SCN9A: variants seen among roughly 807,000 people sequenced by gnomAD.
SCN9A encodes the protein sodium voltage-gated channel alpha subunit 9.
In SCN9A, 131 loss-of-function variants were observed where a neutral mutation model predicts 187.0. The observed-to-expected ratio is 0.70, with a 90% CI of 0.61 to 0.81. SCN9A has a LOEUF of 0.81. Among genes scored for constraint, SCN9A ranks in the 30% least tolerant of loss-of-function variants. The pLI, the probability that SCN9A is intolerant of heterozygous loss-of-function variation, is 0.00. For synonymous variants in SCN9A, 809 were observed against 808.6 expected, an observed-to-expected ratio of 1.00 and a Z score of -0.01; for missense variants, 2,252 against 2,396.6, an observed-to-expected ratio of 0.94 and a Z score of 1.26.
At chr2:166,284,354 A>G in intron 12 of SCN9A, 99 bp downstream of exon 12, 1 of 1,372,712 alleles carries the variant, frequency 7.3e-7, no homozygotes, top group African/African-American at 1.4e-5. Context: ...TGCAAAATGC[A>G]GAGCCATTCA....
intron 6 of SCN9A, 121 bp from the exon 7 acceptor site, chr2:166,303,423 C>CA: frequency 4.1e-6 from 3 of 738,374 alleles, no homozygotes; most frequent in African/African-American, 3.6e-5. Flanking sequence ...TAACCTAATT[C>CA]AAAAAAAGCC....
At position 166,199,611 on chromosome 2, in the gene SCN9A, A is replaced by T. The variant is rs1553473212; in HGVS notation, c.5028T>A (p.Asn1676Lys). The stretch of plus-strand genomic sequence containing the variant: ...CAAAGGTCTCAAAATTGAACATGTC[A>T]TTAATTCCATCTTCCTTTTTAACAT... ...FAYVKKEDGI[N>K]DMFNFETFGN... Residue 1676 changes from asparagine (N) to lysine (K), a missense_variant, in exon 27 of 27, where the codon AAT becomes AAA. Physicochemically the swap from Asn to Lys is moderately conservative, Grantham distance 94 (BLOSUM62 0). Coordinates refer to ENST00000642356, the MANE Select transcript of SCN9A (RefSeq NM_001365536.1). The T allele has an allele frequency of 1.9e-6, 3 of 1,614,112 alleles. No homozygotes were observed.
chr2:166,271,303 A>T (rs550470020), intron 17 of SCN9A, among the ~76,000 whole-genome samples: 20 of 152,276 alleles, frequency 1.3e-4, no homozygotes, highest in Admixed American at 9.8e-4. Flanking sequence ...TTTTACATGT[A>T]TTAACGTGTT....
At chr2:166,249,326 T>C (rs926164061) in intron 18 of SCN9A, 1 of 152,074 alleles carries the variant, frequency 6.6e-6, no homozygotes, top group Non-Finnish European at 1.5e-5. Context: ...CAGCAAGGGG[T>C]ATTGTTTTGT....
At chr2:166,323,538 A>T (rs1332993654) in intron 1 of SCN9A, among the ~76,000 whole-genome samples, 2 of 152,106 alleles carry the variant, frequency 1.3e-5, no homozygotes, top group Non-Finnish European at 2.9e-5. Flanking sequence ...AAACACCAAC[A>T]CTAATTTTTA....
chr2:166,347,314 T>C (rs1295055650), intron 1 of SCN9A, among the ~76,000 whole-genome samples: 2 of 152,190 alleles, frequency 1.3e-5, no homozygotes, highest in Non-Finnish European at 2.9e-5. Flanking sequence ...ATAAAATACT[T>C]TAATAGGACA....
chr2:166,199,948 C>T (rs888212707), intron 26 of SCN9A, 84 bp from the exon 27 acceptor site: 43 of 426,604 alleles, frequency 1.0e-4, no homozygotes, highest in Non-Finnish European at 1.7e-4. Context: ...TTTTATCTGT[C>T]AACTCATTTC....
chr2:166,228,625 G>A, intron 22 of SCN9A, 66 bp downstream of exon 22: 1 of 1,246,358 alleles, frequency 8.0e-7, no homozygotes, highest in Non-Finnish European at 1.1e-6. Context: ...ACTATTTAAA[G>A]AATAACTTAT....
intron 26 of SCN9A, among the ~76,000 whole-genome samples, chr2:166,203,483 T>TA (rs570654032): frequency 3.5e-4 from 53 of 152,016 alleles, no homozygotes; most frequent in Admixed American, 9.2e-4. Context: ...TATTAAGCTG[T>TA]AAAAAATAAA....
chr2:166,288,023 T>C (rs991767472), intron 10 of SCN9A, among the ~76,000 whole-genome samples: 2 of 146,920 alleles, frequency 1.4e-5, no homozygotes, highest in Non-Finnish European at 3.0e-5. Flanking sequence ...GACTATATTA[T>C]TTAATCAATT....
rs141268327 is a variant in SCN9A at position 166,238,128 on chromosome 2, T to C, written c.3767A>G (p.Asn1256Ser). ...IAYGYKTYFT[N>S]AWCWLDFLIV... ...TAGGAAATCCAGCCAACACCAGGCA[T>C]TGGTGAAATATGTTTTATAACCATA... is the stretch of plus-strand genomic sequence containing the variant. Residue 1256 changes from asparagine (N) to serine (S), a missense_variant, in exon 20 of 27, where the codon AAT (asparagine) becomes AGT (serine). By Grantham distance (46) the Asn-to-Ser change is conservative (BLOSUM62 1). Transcript: ENST00000642356. 7.2e-3 allele frequency: 11,646 copies of C among 1,611,512 alleles called. 66 individuals are homozygous for C. The highest frequency in any genetic ancestry group is 9.1e-3 in the Non-Finnish European group (10,668 of 1,178,536).
rs113806461 is a variant in SCN9A at position 166,245,018 on chromosome 2, T to G, written c.3473-2362A>C. Among the ~76,000 whole-genome samples, 1,015 of 152,222 alleles carry G rather than the reference T, an allele frequency of 6.7e-3. 6 individuals carry two copies. The Middle Eastern group carries it at 0.078, about 12-fold the overall frequency. On this transcript the variant is annotated intron_variant, in intron 18 of 26. Coordinates refer to ENST00000642356, the MANE Select transcript of SCN9A (RefSeq NM_001365536.1). ...TCCTTTCATTATTGAAATTCTGTTT[T>G]TTGATTTGCAAATAATTGCTTACAT...
intron 16 of SCN9A, 70 bp from the exon 17 acceptor site, chr2:166,272,945 G>A (rs1245446209): frequency 1.4e-6 from 1 of 736,958 alleles, no homozygotes; most frequent in South Asian, 3.8e-5. Context: ...AATAAAATAA[G>A]TACACTTTTC....
At chr2:166,287,403 A>G (rs1043769908) in intron 10 of SCN9A, among the ~76,000 whole-genome samples, 6 of 152,106 alleles carry the variant, frequency 3.9e-5, no homozygotes, top group African/African-American at 1.2e-4. Context: ...TTAAAAAAAC[A>G]CATAGTTCTA....
At position 166,277,198 on chromosome 2, in the gene SCN9A, G is replaced by A. The variant is rs371899106; in HGVS notation, c.2659C>T (p.Leu887Phe). 1.3e-5 allele frequency: 21 copies of A among 1,613,960 alleles called. No individual in the cohort carries two copies. The highest frequency in any genetic ancestry group is 1.7e-5 in the Non-Finnish European group (20 of 1,179,994). ...VFIFAVVGMQ[L>F]FGKSYKECVC... ...CATTCTTTGTAGCTCTTACCAAAGA[G>A]CTGCATGCCGACCACAGCAAAAATG... The change falls in exon 16 of 27, where the codon CTC (leucine) becomes TTC (phenylalanine). Residue 887 changes from leucine (L) to phenylalanine (F), a missense_variant. Transcript: ENST00000642356.
chr2:166,266,230 T>A (rs1281617945), intron 17 of SCN9A, among the ~76,000 whole-genome samples: 1 of 151,954 alleles, frequency 6.6e-6, no homozygotes, highest in African/African-American at 2.4e-5. Flanking sequence ...TATTTTGAGT[T>A]GACTTGTGTA....
rs773953311 is a variant in SCN9A at position 166,226,707 on chromosome 2, A to G, written c.4261-3T>C. 7.1e-6 allele frequency: 11 copies of G among 1,553,036 alleles called. No individual in the cohort carries two copies. In the Admixed American group the frequency reaches 2.3e-4, roughly 33 times the overall value. ...TCATATTTGGGCTGCTTGTCTACCT[A>G]TAAAATTTACAAAAGTTAGCATTAT... On this transcript the variant is annotated splice_polypyrimidine_tract_variant and splice_region_variant and intron_variant, in intron 23 of 26. Coordinates refer to ENST00000642356, the MANE Select transcript of SCN9A (RefSeq NM_001365536.1).
intron 9 of SCN9A, among the ~76,000 whole-genome samples, chr2:166,290,332 G>A (rs545024184): frequency 6.6e-6 from 1 of 152,190 alleles, no homozygotes; most frequent in Admixed American, 6.6e-5. Flanking sequence ...GGGCATTTGA[G>A]TTGATTCCAT....
Position 166,325,227 on chromosome 2 carries a change from A to G in SCN9A, c.-50-13421T>C, listed in dbSNP as rs372983721. 3.9e-4 allele frequency among the ~76,000 whole-genome samples: 59 copies of G among 152,284 alleles called. No homozygotes were observed. In the East Asian group the frequency reaches 0.011, roughly 29 times the overall value. On this transcript the variant is annotated intron_variant, in intron 1 of 26. Coordinates refer to ENST00000642356, the MANE Select transcript of SCN9A (RefSeq NM_001365536.1). Reference sequence around the variant, plus strand: ...TCAGGTAAATGCATTGCCATTATCTATATTATCTATAATATACCTAAGTGA... The same window carrying G: ...TCAGGTAAATGCATTGCCATTATCTGTATTATCTATAATATACCTAAGTGA...
Sources: gnomAD v4.1 joint callset for allele counts (sites outside exome capture counted in the v4.1 genomes callset) on GRCh38, gnomAD v4.1.1 for gene constraint, MANE v1.5 for transcripts, NCBI Gene and HGNC (gene_info 2026-07-23, HGNC 2026-07-21) for gene names.